Variants in RAB39A observed in about 807,000 individuals in gnomAD.
RAB39A encodes the protein ras-related protein Rab-39A.
RAB39A carries 17 observed loss-of-function variants against 20.9 expected under a neutral mutation model. That is an observed-to-expected ratio of 0.81 (90% CI 0.56 to 1.22). RAB39A has a LOEUF of 1.22. RAB39A is among the 50% of genes most tolerant of loss of function. RAB39A has a pLI of 0.00. For synonymous variants in RAB39A, 99 were observed against 103.4 expected (o/e 0.96, Z 0.26); for missense variants, 234 against 270.5 (o/e 0.87, Z 0.95).
chr11:107,951,886 G>A (rs1448459448), intron 1 of RAB39A, among the ~76,000 whole-genome samples: 1 of 152,030 alleles, frequency 6.6e-6, no homozygotes, highest in Non-Finnish European at 1.5e-5. Flanking sequence ...CTAGACAACT[G>A]TTTAATCTGA....
chr11:107,932,132 G>A (rs1169412497), intron 1 of RAB39A, among the ~76,000 whole-genome samples: 1 of 151,986 alleles, frequency 6.6e-6, no homozygotes, highest in Non-Finnish European at 1.5e-5. Flanking sequence ...CAAAATGCTG[G>A]GATTTCAAGC....
At chr11:107,943,220 G>C (rs1861277168) in intron 1 of RAB39A, among the ~76,000 whole-genome samples, 1 of 152,128 alleles carries the variant, frequency 6.6e-6, no homozygotes, top group Non-Finnish European at 1.5e-5. Context: ...TAAGTACTAT[G>C]AAATAGCTTT....
chr11:107,949,363 A>G (rs1232379878), intron 1 of RAB39A, among the ~76,000 whole-genome samples: 1 of 152,194 alleles, frequency 6.6e-6, no homozygotes, highest in African/African-American at 2.4e-5. Flanking sequence ...TTGAAAATAA[A>G]AGCTGAATAA....
At chr11:107,960,502 T>C (rs1397194186) in intron 1 of RAB39A, among the ~76,000 whole-genome samples, 2 of 152,100 alleles carry the variant, frequency 1.3e-5, no homozygotes, top group African/African-American at 4.8e-5. Context: ...AAACAACATG[T>C]GGAGGGGCAA....
intron 1 of RAB39A, among the ~76,000 whole-genome samples, chr11:107,938,214 T>C (rs1373766363): frequency 2.0e-5 from 3 of 151,094 alleles, no homozygotes; most frequent in Non-Finnish European, 2.9e-5. Context: ...AATACAAAAA[T>C]TAGCCGGTTA....
chr11:107,955,691 A>T (rs866899273), intron 1 of RAB39A, among the ~76,000 whole-genome samples: 86 of 152,112 alleles, frequency 5.7e-4, no homozygotes, highest in African/African-American at 2.0e-3. Flanking sequence ...ATACAAAATT[A>T]GCCACGTGTG....
chr11:107,947,807 C>CAAAAAAAAAAAAAAAAA (rs35694249), intron 1 of RAB39A, among the ~76,000 whole-genome samples: 9 of 80,220 alleles, frequency 1.1e-4, no homozygotes, highest in Non-Finnish European at 1.5e-4. Flanking sequence ...CATCAACAGG[C>CAAAAAAAAAAAAAAAAA]AAAAAAAAAA....
At chr11:107,949,246 G>A in intron 1 of RAB39A, among the ~76,000 whole-genome samples, 1 of 152,066 alleles carries the variant, frequency 6.6e-6, no homozygotes, top group South Asian at 2.1e-4. Flanking sequence ...GGGAGGTGGA[G>A]GTTGTGTGAG....
Position 107,962,014 on chromosome 11 carries a change from G to A in RAB39A, c.296G>A (p.Arg99Gln), listed in dbSNP as rs753697995. 2.0e-5 allele frequency: 33 copies of A among 1,613,654 alleles called. No homozygotes were observed. The highest frequency in any genetic ancestry group is 4.5e-5 in the East Asian group (2 of 44,860). ...TTAGTATTTGACATTACTAACCGACGATCTTTTGAACATGTGAAAGATTGG... is the reference window on the plus strand; with the variant it reads ...TTAGTATTTGACATTACTAACCGACAATCTTTTGAACATGTGAAAGATTGG... Reference protein sequence around the residue: ...GFLVFDITNRRSFEHVKDWLE... With the variant: ...GFLVFDITNRQSFEHVKDWLE... Residue 99 changes from arginine to glutamine, a missense_variant, in exon 2 of 2, where the codon CGA (arginine) becomes CAA (glutamine). By Grantham distance (43) the Arg-to-Gln change is conservative (BLOSUM62 1). Coordinates refer to ENST00000320578, the MANE Select transcript of RAB39A (RefSeq NM_017516.3).
At chr11:107,941,080 T>C (rs1861253443) in intron 1 of RAB39A, among the ~76,000 whole-genome samples, 1 of 152,118 alleles carries the variant, frequency 6.6e-6, no homozygotes, top group Non-Finnish European at 1.5e-5. Context: ...AGATTATACG[T>C]TCTCAAATTA....
At chr11:107,946,312 A>ATG (rs776649863) in intron 1 of RAB39A, among the ~76,000 whole-genome samples, 3 of 89,882 alleles carry the variant, frequency 3.3e-5, no homozygotes, top group African/African-American at 1.0e-4. Context: ...AGGATACTAT[A>ATG]TATATATATA....
In RAB39A at chr11:107,939,580, A is replaced by G. The variant is rs188301378; in HGVS notation, c.227+10785A>G. The stretch of plus-strand genomic sequence containing the variant: ...AGCCGAGATCATGCCACTGCACTCC[A>G]GCCTGGGCAATAGAGCCAGACTCCA... On this transcript the variant is annotated intron_variant, in intron 1 of 1. Transcript: ENST00000320578. Among the ~76,000 whole-genome samples, 107 of 151,474 alleles carry G rather than the reference A, an allele frequency of 7.1e-4. 2 individuals are homozygous for G. The East Asian group carries it at 0.019, about 27-fold the overall frequency.
At chr11:107,953,104 C>T (rs140981253) in intron 1 of RAB39A, among the ~76,000 whole-genome samples, 1 of 152,242 alleles carries the variant, frequency 6.6e-6, no homozygotes, top group Non-Finnish European at 1.5e-5. Flanking sequence ...TACACCTTGG[C>T]ACTTAAAATT....
At chr11:107,947,175 C>G (rs577631538) in intron 1 of RAB39A, among the ~76,000 whole-genome samples, 1 of 151,740 alleles carries the variant, frequency 6.6e-6, no homozygotes, top group Non-Finnish European at 1.5e-5. Context: ...GATCTCGGCT[C>G]ACTGCAAGCT....
intron 1 of RAB39A, among the ~76,000 whole-genome samples, chr11:107,961,497 A>G (rs1861495113): frequency 6.6e-6 from 1 of 152,170 alleles, no homozygotes; most frequent in Admixed American, 6.5e-5. Context: ...GATCCATACT[A>G]CAGCCCTTGT....
intron 1 of RAB39A, among the ~76,000 whole-genome samples, chr11:107,954,788 A>G (rs1463541878): frequency 1.3e-5 from 2 of 152,050 alleles, no homozygotes; most frequent in Non-Finnish European, 2.9e-5. Context: ...GTCCCACCGC[A>G]TATTCCTTCC....
intron 1 of RAB39A, among the ~76,000 whole-genome samples, chr11:107,946,325 T>TA (rs1178873799): frequency 1.1e-5 from 1 of 87,270 alleles, no homozygotes; most frequent in South Asian, 4.9e-4. Flanking sequence ...TATATATATA[T>TA]ACACACACAC....
At chr11:107,942,098 C>CAAAAAAAA (rs10537482) in intron 1 of RAB39A, among the ~76,000 whole-genome samples, 3 of 83,750 alleles carry the variant, frequency 3.6e-5, no homozygotes, top group African/African-American at 1.5e-4. Flanking sequence ...GATTCCATCT[C>CAAAAAAAA]AAAAAAAAAA....
intron 1 of RAB39A, among the ~76,000 whole-genome samples, chr11:107,958,395 A>G (rs776472986): frequency 6.6e-6 from 1 of 152,170 alleles, no homozygotes; most frequent in Non-Finnish European, 1.5e-5. Context: ...GTCTCAACTT[A>G]TGGGAGGAAG....
Sources: allele counts gnomAD v4.1 joint callset (sites outside exome capture counted in the v4.1 genomes callset), GRCh38; gene constraint gnomAD v4.1.1; transcripts MANE v1.5; gene names NCBI Gene and HGNC (gene_info 2026-07-23, HGNC 2026-07-21).